GRIK2: variants seen among roughly 807,000 people sequenced by gnomAD.
The protein encoded by GRIK2 is glutamate ionotropic receptor kainate type subunit 2, also known as glutamate receptor ionotropic, kainate 2.
In GRIK2, 32 loss-of-function variants were observed where a neutral mutation model predicts 100.3. That is an observed-to-expected ratio of 0.32 (90% CI 0.24 to 0.43). GRIK2 has a LOEUF of 0.43. Ranked by LOEUF, GRIK2 falls within the 20% of genes least tolerant of loss-of-function variation. The pLI, the probability that GRIK2 is intolerant of heterozygous loss-of-function variation, is 1.00. For missense variants in GRIK2, 843 were observed against 1,114.9 expected (o/e 0.76, Z 3.47); for synonymous variants, 417 against 389.4 (o/e 1.07, Z -0.83).
At chr6:102,027,645 A>G (rs1769772794) in intron 14 of GRIK2, among the ~76,000 whole-genome samples, 1 of 151,208 alleles carries the variant, frequency 6.6e-6, no homozygotes, top group Admixed American at 6.6e-5. Context: ...TGTAGAACAT[A>G]CTTAAAAAGT....
chr6:101,883,859 T>G (rs1373253965), intron 11 of GRIK2, among the ~76,000 whole-genome samples: 1 of 152,158 alleles, frequency 6.6e-6, no homozygotes, highest in Non-Finnish European at 1.5e-5. Flanking sequence ...ATGGAACTAA[T>G]GTTGATAAAG....
At chr6:102,038,061 A>G (rs990182296) in intron 15 of GRIK2, among the ~76,000 whole-genome samples, 5 of 151,430 alleles carry the variant, frequency 3.3e-5, no homozygotes, top group East Asian at 1.9e-4. Flanking sequence ...CTTGAAATTT[A>G]TGGCCTCTAA....
chr6:101,929,277 C>T (rs934433480), intron 14 of GRIK2, among the ~76,000 whole-genome samples: 13 of 152,152 alleles, frequency 8.5e-5, no homozygotes, highest in African/African-American at 3.1e-4. Context: ...TCTCCTTACT[C>T]TTGCCTACTC....
At chr6:101,674,242 G>T (rs996149815) in intron 4 of GRIK2, among the ~76,000 whole-genome samples, 1 of 152,112 alleles carries the variant, frequency 6.6e-6, no homozygotes, top group African/African-American at 2.4e-5. Flanking sequence ...GACCAAGAAG[G>T]TCATCTGGGA....
intron 9 of GRIK2, among the ~76,000 whole-genome samples, chr6:101,805,438 G>A (rs763785008): frequency 3.3e-5 from 5 of 151,920 alleles, no homozygotes; most frequent in Admixed American, 6.6e-5. Flanking sequence ...AATTTTAATC[G>A]TTAAAATTTA....
At chr6:101,500,883 A>G (rs1009470916) in intron 2 of GRIK2, among the ~76,000 whole-genome samples, 3 of 152,080 alleles carry the variant, frequency 2.0e-5, no homozygotes, top group Non-Finnish European at 2.9e-5. Context: ...ATAAATGAAT[A>G]TAAGTTATTC....
intron 11 of GRIK2, among the ~76,000 whole-genome samples, chr6:101,864,143 CAAAAA>C (rs138911944): frequency 1.2e-5 from 1 of 85,806 alleles, no homozygotes; most frequent in Admixed American, 1.3e-4. Flanking sequence ...GACTCCGTCT[CAAAAA>C]AAAAAAAAAA....
At chr6:101,854,508 C>A (rs1784320326) in intron 10 of GRIK2, among the ~76,000 whole-genome samples, 1 of 152,056 alleles carries the variant, frequency 6.6e-6, no homozygotes, top group Admixed American at 6.6e-5. Context: ...GATTCACCCA[C>A]CTCGACCTCC....
At chr6:102,039,094 C>G (rs528019415) in intron 15 of GRIK2, among the ~76,000 whole-genome samples, 8 of 151,510 alleles carry the variant, frequency 5.3e-5, no homozygotes, top group African/African-American at 1.9e-4. Context: ...GCCTGCCATG[C>G]CTCCTTCTAA....
intron 2 of GRIK2, among the ~76,000 whole-genome samples, chr6:101,406,967 C>T (rs1775628842): frequency 1.3e-5 from 2 of 151,976 alleles, no homozygotes; most frequent in Admixed American, 6.6e-5. Flanking sequence ...AAGATGTTGC[C>T]TCTAGCTCTC....
intron 14 of GRIK2, among the ~76,000 whole-genome samples, chr6:102,024,963 C>T (rs1259467363): frequency 6.7e-6 from 1 of 149,234 alleles, no homozygotes; most frequent in African/African-American, 2.4e-5. Context: ...AAATAAAAAA[C>T]AAAAATAAAT....
At chr6:101,418,099 G>C (rs1776235939) in intron 2 of GRIK2, among the ~76,000 whole-genome samples, 1 of 152,210 alleles carries the variant, frequency 6.6e-6, no homozygotes, top group Admixed American at 6.5e-5. Context: ...AGATCTGAGA[G>C]GAGGAAGGCA....
intron 2 of GRIK2, among the ~76,000 whole-genome samples, chr6:101,564,306 T>G (rs1242948752): frequency 6.6e-6 from 1 of 152,206 alleles, no homozygotes; most frequent in Non-Finnish European, 1.5e-5. Context: ...TGAGTGAGGC[T>G]CTCTCTTTGA....
At chr6:101,661,763 G>A (rs762759528) in intron 4 of GRIK2, among the ~76,000 whole-genome samples, 7 of 152,032 alleles carry the variant, frequency 4.6e-5, no homozygotes, top group Admixed American at 1.3e-4. Context: ...CGTGTGAGGC[G>A]ATGCCCCACC....
chr6:101,761,477 T>A (rs1777661207), intron 7 of GRIK2, among the ~76,000 whole-genome samples: 1 of 152,100 alleles, frequency 6.6e-6, no homozygotes, highest in Non-Finnish European at 1.5e-5. Context: ...CCCCTTCATT[T>A]CTCCAGAGCT....
chr6:101,556,731 G>A (rs1359084210), intron 2 of GRIK2, among the ~76,000 whole-genome samples: 3 of 152,156 alleles, frequency 2.0e-5, no homozygotes, highest in African/African-American at 7.2e-5. Flanking sequence ...AGAGGTAACA[G>A]GTGTGGGATA....
intron 14 of GRIK2, among the ~76,000 whole-genome samples, chr6:101,937,773 G>A (rs908822345): frequency 2.0e-5 from 3 of 151,912 alleles, no homozygotes; most frequent in Non-Finnish European, 4.4e-5. Context: ...GATCGTTTTG[G>A]GGGTGGGGGG....
chr6:102,020,445 GAAA>G (rs1344242236), intron 14 of GRIK2, among the ~76,000 whole-genome samples: 1 of 151,782 alleles, frequency 6.6e-6, no homozygotes, highest in African/African-American at 2.4e-5. Context: ...TTAGTAAAAG[GAAA>G]CATCAGGGTA....
intron 11 of GRIK2, among the ~76,000 whole-genome samples, chr6:101,867,701 A>G (rs1785139180): frequency 1.3e-5 from 2 of 151,650 alleles, no homozygotes; most frequent in South Asian, 4.1e-4. Flanking sequence ...CAGTACTAAT[A>G]TAATAAAGAA....
Sources: gnomAD v4.1 joint callset for allele counts (sites outside exome capture counted in the v4.1 genomes callset) on GRCh38, gnomAD v4.1.1 for gene constraint, MANE v1.5 for transcripts, NCBI Gene and HGNC (gene_info 2026-07-23, HGNC 2026-07-21) for gene names.